The following ERC1 variants were observed in gnomAD, a reference collection of about 807,000 sequenced individuals.
ERC1 encodes the protein ELKS/RAB6-interacting/CAST family member 1.
In ERC1, 56 loss-of-function variants were observed where a neutral mutation model predicts 132.0. That is an observed-to-expected ratio of 0.42 (90% CI 0.34 to 0.53). The LOEUF (loss-of-function observed/expected upper bound fraction) is 0.53. Among genes scored for constraint, ERC1 ranks in the 20% least tolerant of loss-of-function variants. The probability of loss-of-function intolerance (pLI) is 0.03; values close to 1 mark genes in which losing one functional copy is unlikely to be tolerated. For missense variants in ERC1, 1,202 were observed against 1,349.9 expected (o/e 0.89, Z 1.72); for synonymous variants, 478 against 476.1 (o/e 1.00, Z -0.05).
At chr12:1,308,572 A>T (rs1034083169) in intron 15 of ERC1, among the ~76,000 whole-genome samples, 3 of 152,222 alleles carry the variant, frequency 2.0e-5, no homozygotes, top group African/African-American at 7.2e-5. Context: ...ACCAAAATAA[A>T]TACTTAACAG....
chr12:1,197,252 G>T (rs1594145925), intron 12 of ERC1, among the ~76,000 whole-genome samples: 1 of 151,984 alleles, frequency 6.6e-6, no homozygotes, highest in Non-Finnish European at 1.5e-5. Flanking sequence ...AAGTGCTGGG[G>T]TTACAGGGAT....
rs757716942 is a variant in ERC1, at chr12:1,444,625, C to G, written c.3088C>G (p.Leu1030Val). 1 of 1,614,054 alleles carries G rather than the reference C, an allele frequency of 6.2e-7. No homozygotes were observed. Among genetic ancestry groups the G allele is most frequent in the Non-Finnish European group, 8.5e-7 (1 of 1,179,950 alleles). ...RSKLKLYIGHLTTLCHDRDPL... is the reference protein window; with the variant it reads ...RSKLKLYIGHVTTLCHDRDPL... ...TAAATTAAAGTTGTACATTGGACAC[C>G]TGACAACCCTCTGCCATGACCGAGA... The change falls in exon 18 of 19, where the codon CTG becomes GTG. Residue 1030 changes from leucine (L) to valine (V), a missense_variant. By Grantham distance (32) the Leu-to-Val change is conservative. Coordinates refer to ENST00000360905, the MANE Select transcript of ERC1 (RefSeq NM_178040.4).
At chr12:1,057,100 A>T (rs774752247) in intron 2 of ERC1, among the ~76,000 whole-genome samples, 2 of 152,104 alleles carry the variant, frequency 1.3e-5, no homozygotes, top group African/African-American at 4.8e-5. Context: ...CAGAAATACC[A>T]TGGATCATAT....
At chr12:1,156,544 G>T (rs970379900) in intron 8 of ERC1, among the ~76,000 whole-genome samples, 3 of 152,090 alleles carry the variant, frequency 2.0e-5, no homozygotes, top group African/African-American at 7.2e-5. Context: ...ACCTCTTGTT[G>T]ATTATAGTAG....
At chr12:1,036,713 C>T (rs565661644) in intron 2 of ERC1, among the ~76,000 whole-genome samples, 39 of 152,280 alleles carry the variant, frequency 2.6e-4, no homozygotes, top group Admixed American at 3.9e-4. Context: ...AGTTGTTTCA[C>T]TGTCATTTAA....
At chr12:1,054,035 A>G (rs1187109494) in intron 2 of ERC1, among the ~76,000 whole-genome samples, 1 of 152,092 alleles carries the variant, frequency 6.6e-6, no homozygotes, top group Non-Finnish European at 1.5e-5. Flanking sequence ...CATGCTACCT[A>G]TGTTATTTGT....
At chr12:1,216,475 G>A (rs1409076253) in intron 12 of ERC1, among the ~76,000 whole-genome samples, 7 of 152,002 alleles carry the variant, frequency 4.6e-5, no homozygotes. Context: ...TGAGCCCTGT[G>A]AAATCACCAG....
intron 12 of ERC1, chr12:1,204,519 A>G (rs1331133063): frequency 3.1e-6 from 5 of 1,591,342 alleles, no homozygotes; most frequent in Non-Finnish European, 4.3e-6. Context: ...CAAGGTCAGT[A>G]TGCTTGCACT....
chr12:1,282,530 A>T (rs1242372991), intron 14 of ERC1, among the ~76,000 whole-genome samples: 1 of 152,226 alleles, frequency 6.6e-6, no homozygotes, highest in Non-Finnish European at 1.5e-5. Flanking sequence ...ATGAGTTGGC[A>T]AAAAGAACGT....
At chr12:1,011,998 G>T (rs1434208389) in intron 1 of ERC1, among the ~76,000 whole-genome samples, 3 of 151,798 alleles carry the variant, frequency 2.0e-5, no homozygotes, top group African/African-American at 7.3e-5. Context: ...TTTTTAAATG[G>T]CAGACATTGG....
At chr12:1,153,739 G>A (rs1398166811) in intron 8 of ERC1, among the ~76,000 whole-genome samples, 4 of 152,200 alleles carry the variant, frequency 2.6e-5, no homozygotes, top group South Asian at 2.1e-4. Flanking sequence ...CTCCCTGGCC[G>A]TGCGTGTGGA....
At chr12:1,097,960 C>T (rs1387361249) in intron 3 of ERC1, among the ~76,000 whole-genome samples, 2 of 152,116 alleles carry the variant, frequency 1.3e-5, no homozygotes, top group Non-Finnish European at 2.9e-5. Context: ...AGTGATCTGC[C>T]CGCCTTGGCC....
rs578026583 is a variant in ERC1, at chr12:1,083,241, T to C, written c.747T>C (p.Asp249=). ...ACCTGAATCAGCTGTTTCAGCAGGATAGTAGCAGCAGGACTGGCGAACCTT... is the reference window on the plus strand; with the variant it reads ...ACCTGAATCAGCTGTTTCAGCAGGACAGTAGCAGCAGGACTGGCGAACCTT... ...QRDLNQLFQQ[D]SSSRTGEPCV... is the part of the protein sequence containing the mutation. Residue 249 remains aspartate, a synonymous_variant, in exon 3 of 19, where the codon GAT becomes GAC. Transcript: ENST00000360905. 2.5e-6 allele frequency: 4 copies of C among 1,614,016 alleles called. No individual in the cohort carries two copies. The highest frequency in any genetic ancestry group is 3.4e-6 in the Non-Finnish European group (4 of 1,180,010).
chr12:1,465,639 G>T (rs1026100043), intron 18 of ERC1, among the ~76,000 whole-genome samples: 8 of 152,214 alleles, frequency 5.3e-5, no homozygotes, highest in Non-Finnish European at 1.2e-4. Context: ...TCTCCAGTTT[G>T]CAGACAGACA....
intron 16 of ERC1, among the ~76,000 whole-genome samples, chr12:1,373,071 C>T (rs1238970168): frequency 6.6e-6 from 1 of 152,152 alleles, no homozygotes; most frequent in African/African-American, 2.4e-5. Context: ...TAACCCATTG[C>T]TTATTCACAA....
At chr12:1,141,167 T>G (rs2154248731) in intron 7 of ERC1, among the ~76,000 whole-genome samples, 1 of 152,340 alleles carries the variant, frequency 6.6e-6, no homozygotes, top group East Asian at 1.9e-4. Flanking sequence ...TTGCTTTGTA[T>G]GGATATCTAA....
intron 1 of ERC1, among the ~76,000 whole-genome samples, chr12:995,335 C>G (rs1191325582): frequency 2.6e-5 from 4 of 152,074 alleles, no homozygotes; most frequent in African/African-American, 9.7e-5. Context: ...GAGGGTATCT[C>G]TGACCAAGGT....
intron 2 of ERC1, among the ~76,000 whole-genome samples, chr12:1,058,005 T>G (rs190135648): frequency 6.6e-6 from 1 of 152,246 alleles, no homozygotes; most frequent in Admixed American, 6.5e-5. Context: ...GATTAGGTTT[T>G]TTTTGTTTTG....
At chr12:1,071,451 T>G (rs895155557) in intron 2 of ERC1, among the ~76,000 whole-genome samples, 2 of 152,218 alleles carry the variant, frequency 1.3e-5, no homozygotes, top group Non-Finnish European at 1.5e-5. Flanking sequence ...ATTGGTTAGT[T>G]AGTTCAATTG....
Sources: gnomAD v4.1 joint callset for allele counts (sites outside exome capture counted in the v4.1 genomes callset) on GRCh38, gnomAD v4.1.1 for gene constraint, MANE v1.5 for transcripts, NCBI Gene and HGNC (gene_info 2026-07-23, HGNC 2026-07-21) for gene names.